Variants in TJP3 observed in about 807,000 individuals in gnomAD.
TJP3 encodes the protein tight junction protein 3, also known as tight junction protein ZO-3.
In TJP3, 85 loss-of-function variants were observed where a neutral mutation model predicts 104.2. That is an observed-to-expected ratio of 0.82 (90% CI 0.68 to 0.98). TJP3 has a LOEUF of 0.98. Ranked by LOEUF, TJP3 falls within the 50% of genes least tolerant of loss-of-function variation. The pLI, the probability that TJP3 is intolerant of heterozygous loss-of-function variation, is 0.00. For missense variants in TJP3, 1,367 were observed against 1,322.8 expected, an observed-to-expected ratio of 1.03 and a Z score of -0.52; for synonymous variants, 550 against 550.6, an observed-to-expected ratio of 1.00 and a Z score of 0.02.
chr19:3,728,963 G>C (rs1190926541), intron 3 of TJP3, among the ~76,000 whole-genome samples: 1 of 152,228 alleles, frequency 6.6e-6, no homozygotes, highest in Non-Finnish European at 1.5e-5. Context: ...TGAGGCAGGA[G>C]ACTTGCTTGA....
Position 3,746,608 on chromosome 19 carries a change from T to A in TJP3, c.2134T>A (p.Trp712Arg). 6.2e-7 allele frequency: 1 copy of A among 1,611,594 alleles called. No individual in the cohort carries two copies. The highest frequency in any genetic ancestry group is 8.5e-7 in the Non-Finnish European group (1 of 1,179,508). The change falls in exon 17 of 21, where the codon TGG becomes AGG. Residue 712 changes from tryptophan to arginine, a missense_variant. Trp to Arg is a moderately radical substitution (Grantham distance 101, BLOSUM62 -3). Transcript: ENST00000541714. This position sits in a 1 kb window ranked among gnomAD's most constrained non-coding sequence, Gnocchi z 4.1. ...GCCGGCCCTCAAGGCACTGCGCCAG[T>A]GGCTGGCGCCTGCCTCCCGCCGCAG... The part of the protein sequence containing the change: ...SRPALKALRQ[W>R]LAPASRRSTR...
In TJP3 at chr19:3,728,445, A is replaced by G; in HGVS notation, c.13A>G (p.Thr5Ala). MEELTIWEQHTATLS... is the reference protein window; with the variant it reads MEELAIWEQHTATLS... The stretch of plus-strand genomic sequence containing the variant: ...CCAGGTGGCTGACATGGAGGAGCTG[A>G]CCATCTGGGAACAGCACACGGCCAC... The change falls in exon 2 of 21, where the codon ACC (threonine) becomes GCC (alanine). Residue 5 changes from threonine to alanine, a missense_variant. Transcript: ENST00000541714. The G allele has an allele frequency of 6.2e-7, 1 of 1,614,038 alleles. No individual in the cohort carries two copies. The highest frequency in any genetic ancestry group is 8.5e-7 in the Non-Finnish European group (1 of 1,179,978).
rs777463523 is a variant in TJP3 at position 3,728,671 on chromosome 19, T to C, written c.116T>C (p.Val39Ala). ...GACCGGCCCGGTGGATCCATGGTTG[T>C]ATCTGACGTGGTACCTGGAGGGCCG... ...GRDRPGGSMV[V>A]SDVVPGGPAE... Residue 39 changes from valine (V) to alanine (A), a missense_variant, in exon 3 of 21, where the codon GTA becomes GCA. By Grantham distance (64) the Val-to-Ala change is moderately conservative. Transcript: ENST00000541714. 1 of 1,613,858 alleles carries C rather than the reference T, an allele frequency of 6.2e-7. No homozygotes were observed. The highest frequency in any genetic ancestry group is 1.1e-5 in the South Asian group (1 of 90,938).
At chr19:3,727,772 C>T (rs78762423) in intron 1 of TJP3, among the ~76,000 whole-genome samples, 1 of 151,964 alleles carries the variant, frequency 6.6e-6, no homozygotes, top group Non-Finnish European at 1.5e-5. Context: ...TGGTGGGCAC[C>T]TGTAGGTGCC....
chr19:3,737,549 T>C (rs773982280), intron 11 of TJP3, among the ~76,000 whole-genome samples: 2 of 151,992 alleles, frequency 1.3e-5, no homozygotes, highest in Non-Finnish European at 2.9e-5. Flanking sequence ...CATCCCCCCA[T>C]CTCTGTCCTT....
intron 19 of TJP3, 23 bp downstream of exon 19, chr19:3,748,104 G>C (rs761815122): frequency 5.4e-5 from 82 of 1,528,042 alleles, no homozygotes; most frequent in Non-Finnish European, 6.6e-5. Context: ...TGGGGGGCAG[G>C]CCTGGGAAGG....
Position 3,746,424 on chromosome 19 carries a change from T to C in TJP3, c.2011-61T>C, listed in dbSNP as rs1317613259. On this transcript the variant is annotated intron_variant, in intron 16 of 20. Coordinates refer to ENST00000541714, the MANE Select transcript of TJP3 (RefSeq NM_001267560.2). The surrounding 1 kb of genome is among the most constrained non-coding windows in gnomAD (Gnocchi z 4.1). ...CCTCAGACTCTTCATCTTTCTATCT[T>C]TCTCTCTCTGTTTACCCTGCTGCAA... 11 of 1,560,100 alleles carry C rather than the reference T, an allele frequency of 7.1e-6. No homozygotes were observed. Among genetic ancestry groups the C allele is most frequent in the Middle Eastern group, 1.7e-4 (1 of 5,932 alleles).
chr19:3,739,430 C>G (rs923530207), intron 13 of TJP3, among the ~76,000 whole-genome samples: 2 of 152,144 alleles, frequency 1.3e-5, no homozygotes, highest in Non-Finnish European at 2.9e-5. Context: ...GCAGAGGTTA[C>G]AGTGAGCCGA....
intron 1 of TJP3, among the ~76,000 whole-genome samples, chr19:3,724,343 C>T (rs1001549275): frequency 2.6e-5 from 4 of 151,832 alleles, no homozygotes; most frequent in East Asian, 3.9e-4. Context: ...CTACAGGCGC[C>T]GGCCACCACG....
chr19:3,747,829 T>A lies in TJP3; in HGVS notation c.2358T>A (p.Pro786=). ...DGSLEDNLDL[P]HHGLADSSAD... is the part of the protein sequence containing the mutation. ...CCTTGGAGGACAACCTAGACCTCCC[T>A]CACCACGGCCTGGCCGACAGCTCCG... The change falls in exon 19 of 21, where the codon CCT becomes CCA. Residue 786 remains proline, a synonymous_variant. Transcript: ENST00000541714. The A allele has an allele frequency of 6.2e-7, 1 of 1,607,612 alleles. No individual in the cohort carries two copies. Among genetic ancestry groups the A allele is most frequent in the Non-Finnish European group, 8.5e-7 (1 of 1,179,010 alleles).
rs535667198 is a variant in TJP3, at chr19:3,716,236, C to A, written c.-10+7675C>A. Among the ~76,000 whole-genome samples the A allele has an allele frequency of 5.0e-4, 74 of 148,140 alleles. 3 individuals carry two copies. The highest frequency in any genetic ancestry group is 1.3e-3 in the African/African-American group (53 of 41,296). On this transcript the variant is annotated intron_variant, in intron 1 of 20. Coordinates refer to ENST00000541714, the MANE Select transcript of TJP3 (RefSeq NM_001267560.2). ...TACAGGTGCCTGTCACTACGCCCAG[C>A]TAATTTCTGTATTTTGAGTAGAGAC...
At chr19:3,720,719 G>A (rs1568379023) in intron 1 of TJP3, among the ~76,000 whole-genome samples, 1 of 151,776 alleles carries the variant, frequency 6.6e-6, no homozygotes, top group Non-Finnish European at 1.5e-5. Context: ...TCCCTCCTAG[G>A]TCTAACCTTA....
Position 3,746,509 on chromosome 19 carries a change from A to AC in TJP3, c.2040dup (p.Ser681LeufsTer70). On this transcript the variant is annotated frameshift_variant, in exon 17 of 21. Transcript: ENST00000541714. LOFTEE classifies it high-confidence loss of function. The surrounding 1 kb of genome is among the most constrained non-coding windows in gnomAD (Gnocchi z 4.1). The stretch of plus-strand genomic sequence containing the variant: ...GGACAAGCATGCGCTCCTGGATGTG[A>AC]CCCCCTCCGCCATCGAGCGCCTCAA... 1 of 1,612,620 alleles carries AC rather than the reference A, an allele frequency of 6.2e-7. No individual in the cohort carries two copies. Among genetic ancestry groups the AC allele is most frequent in the Non-Finnish European group, 8.5e-7 (1 of 1,179,700 alleles).
chr19:3,731,141 G>A (rs570616489), intron 5 of TJP3, among the ~76,000 whole-genome samples: 1 of 152,256 alleles, frequency 6.6e-6, no homozygotes, highest in South Asian at 2.1e-4. Context: ...TCTGGGCTAG[G>A]TTGAGCCATA....
chr19:3,729,908 T>C, intron 3 of TJP3, 120 bp from the exon 4 acceptor site: 2 of 745,090 alleles, frequency 2.7e-6, no homozygotes, highest in East Asian at 5.0e-5. Flanking sequence ...GGGACACCAA[T>C]GAATTAGAAC....
intron 1 of TJP3, among the ~76,000 whole-genome samples, chr19:3,719,527 G>T (rs1244466562): frequency 6.6e-6 from 1 of 151,734 alleles, no homozygotes; most frequent in Non-Finnish European, 1.5e-5. Context: ...CTTGAGGCCA[G>T]GAGTTCGAGA....
At chr19:3,719,605 G>T (rs1442628264) in intron 1 of TJP3, among the ~76,000 whole-genome samples, 1 of 150,904 alleles carries the variant, frequency 6.6e-6, no homozygotes, top group Admixed American at 6.6e-5. Context: ...GCGTGGTGGC[G>T]GGTGCCTGTA....
At position 3,747,782 on chromosome 19, in the gene TJP3, C is replaced by T. The variant is rs763076638; in HGVS notation, c.2323-12C>T. The T allele has an allele frequency of 1.3e-6, 2 of 1,566,012 alleles. No individual in the cohort carries two copies. The highest frequency in any genetic ancestry group is 2.7e-5 in the African/African-American group (2 of 74,162). On this transcript the variant is annotated splice_polypyrimidine_tract_variant and intron_variant, in intron 18 of 20. Coordinates refer to ENST00000541714, the MANE Select transcript of TJP3 (RefSeq NM_001267560.2). ...GCCAGGGCCAGCCGCAGCATCCACA[C>T]CCACCCCACAGCTGGATGGCTCCTT...
chr19:3,719,281 G>A (rs1399041647), intron 1 of TJP3, among the ~76,000 whole-genome samples: 1 of 152,124 alleles, frequency 6.6e-6, no homozygotes, highest in Admixed American at 6.6e-5. Context: ...TGAGTTGCCT[G>A]TAGGTATACA....
Sources: allele counts gnomAD v4.1 joint callset (sites outside exome capture counted in the v4.1 genomes callset), GRCh38; gene constraint gnomAD v4.1.1; non-coding constraint Gnocchi (gnomAD v3.1); transcripts MANE v1.5; gene names NCBI Gene and HGNC (gene_info 2026-07-23, HGNC 2026-07-21).